Variants in LAMA3 observed in about 807,000 individuals in gnomAD.
The protein encoded by LAMA3 is laminin subunit alpha 3.
Under a neutral mutation model 402.0 loss-of-function variants are expected in LAMA3, and 281 were observed. That is an observed-to-expected ratio of 0.70 (90% confidence interval 0.63 to 0.77). LAMA3 has a LOEUF of 0.77. Among genes scored for constraint, LAMA3 ranks in the 30% least tolerant of loss-of-function variants. The pLI is 0.00. For missense variants in LAMA3, 3,840 were observed against 4,215.5 expected (o/e 0.91, Z 2.47); for synonymous variants, 1,431 against 1,558.4 (o/e 0.92, Z 1.93).
In LAMA3 at chr18:23,898,648, A is replaced by T; in HGVS notation, c.5614-90A>T. On this transcript the variant is annotated intron_variant, in intron 44 of 74. Coordinates refer to ENST00000313654, the MANE Select transcript of LAMA3 (RefSeq NM_198129.4). ...TGTGGAACTGAAAATGGTCTTGCCA[A>T]ATGATTCTTCATTTATAACCCTGTT... is the stretch of plus-strand genomic sequence containing the variant. The T allele has an allele frequency of 3.7e-6, 3 of 812,482 alleles. No homozygotes were observed. In the South Asian group the frequency reaches 4.1e-5, roughly 11 times the overall value. 50.3% of individuals were successfully genotyped at this position (812,482 alleles called of 1,614,324 possible).
chr18:23,923,257 T>A (rs1160086039), intron 62 of LAMA3, among the ~76,000 whole-genome samples: 1 of 152,108 alleles, frequency 6.6e-6, no homozygotes, highest in Non-Finnish European at 1.5e-5. Flanking sequence ...TGACCAAATT[T>A]GGGTTTTCAG....
At chr18:23,735,393 G>T (rs1004624059) in intron 2 of LAMA3, among the ~76,000 whole-genome samples, 1 of 152,238 alleles carries the variant, frequency 6.6e-6, no homozygotes, top group Non-Finnish European at 1.5e-5. Flanking sequence ...TTGTTAGAGA[G>T]TTGTAGAGCT....
Position 23,773,524 on chromosome 18 carries a change from C to G in LAMA3, c.1210C>G (p.Gln404Glu), listed in dbSNP as rs1210405876. Residue 404 changes from glutamine (Q) to glutamate (E), a missense_variant, in exon 9 of 75, where the codon CAG (glutamine) becomes GAG (glutamate). This residue lies in a region of LAMA3 where 2,109 missense variants were observed against 2,376.0 expected (regional missense o/e 0.89). Coordinates refer to ENST00000313654, the MANE Select transcript of LAMA3 (RefSeq NM_198129.4). ...CAACACAGCTGGAGTAAACTGTGAA[C>G]AGTGTGCTAAGGGCTATTACCGCCC... ...QHNTAGVNCE[Q>E]CAKGYYRPYG... is the part of the protein sequence containing the mutation. 2 of 1,599,974 alleles carry G rather than the reference C, an allele frequency of 1.3e-6. No homozygotes were observed. The highest frequency in any genetic ancestry group is 1.7e-6 in the Non-Finnish European group (2 of 1,171,322).
intron 2 of LAMA3, among the ~76,000 whole-genome samples, chr18:23,734,427 G>T (rs549205180): frequency 6.6e-6 from 1 of 152,256 alleles, no homozygotes; most frequent in Admixed American, 6.5e-5. Flanking sequence ...GTACACATGG[G>T]GCATGGGTGA....
intron 62 of LAMA3, among the ~76,000 whole-genome samples, chr18:23,925,767 C>A (rs970811658): frequency 1.2e-4 from 19 of 152,168 alleles, no homozygotes; most frequent in African/African-American, 4.3e-4. Context: ...GCCAAGGTAA[C>A]AAGAATCCCC....
intron 68 of LAMA3, among the ~76,000 whole-genome samples, chr18:23,941,426 C>T (rs577786592): frequency 1.5e-4 from 22 of 151,326 alleles, no homozygotes; most frequent in Admixed American, 1.2e-3. Flanking sequence ...CAACATTAAA[C>T]CGTACATCAT....
chr18:23,720,737 T>C (rs1273442835), intron 2 of LAMA3, among the ~76,000 whole-genome samples: 1 of 152,230 alleles, frequency 6.6e-6, no homozygotes, highest in Non-Finnish European at 1.5e-5. Context: ...TAAAATCCTC[T>C]GGGCTACTAG....
chr18:23,834,090 G>A (rs2063537590), intron 24 of LAMA3, 102 bp downstream of exon 24: 2 of 1,373,230 alleles, frequency 1.5e-6, no homozygotes, highest in Non-Finnish European at 2.1e-6. Context: ...TTTTCTTTTT[G>A]AGGCAGCTCT....
At chr18:23,928,998 C>T (rs1474817361) in intron 64 of LAMA3, among the ~76,000 whole-genome samples, 2 of 152,194 alleles carry the variant, frequency 1.3e-5, no homozygotes, top group African/African-American at 4.8e-5. Flanking sequence ...TTTGTGTGTA[C>T]TCGCGGACTC....
intron 12 of LAMA3, among the ~76,000 whole-genome samples, chr18:23,791,197 T>C (rs1286875286): frequency 6.6e-6 from 1 of 152,130 alleles, no homozygotes; most frequent in Non-Finnish European, 1.5e-5. Context: ...CTTTAATCCA[T>C]GATATTGTCT....
chr18:23,691,777 G>T (rs2060592850), intron 1 of LAMA3, among the ~76,000 whole-genome samples: 1 of 152,168 alleles, frequency 6.6e-6, no homozygotes, highest in Admixed American at 6.6e-5. Flanking sequence ...TTGCCATGTT[G>T]GCCAGACTGG....
At chr18:23,926,403 A>C (rs1218640661) in intron 62 of LAMA3, among the ~76,000 whole-genome samples, 1 of 152,226 alleles carries the variant, frequency 6.6e-6, no homozygotes, top group African/African-American at 2.4e-5. Flanking sequence ...ACCTAAAACC[A>C]TGTATAAATA....
intron 32 of LAMA3, among the ~76,000 whole-genome samples, chr18:23,853,779 C>G (rs1482353758): frequency 6.6e-6 from 1 of 152,146 alleles, no homozygotes; most frequent in Non-Finnish European, 1.5e-5. Context: ...TAGGGCTGTT[C>G]CTTGGGTACC....
chr18:23,740,321 A>AATCCTTCT, intron 2 of LAMA3, among the ~76,000 whole-genome samples: 1 of 152,214 alleles, frequency 6.6e-6, no homozygotes. Context: ...ATATGTCATC[A>AATCCTTCT]ATCCTTCTCT....
chr18:23,718,392 C>G (rs2061148657), intron 2 of LAMA3, among the ~76,000 whole-genome samples: 1 of 147,908 alleles, frequency 6.8e-6, no homozygotes, highest in Non-Finnish European at 1.5e-5. Context: ...AAGCCTGACT[C>G]ATTGTGTTCC....
intron 52 of LAMA3, among the ~76,000 whole-genome samples, chr18:23,906,802 G>C (rs1026614547): frequency 2.2e-4 from 34 of 152,322 alleles, no homozygotes; most frequent in Middle Eastern, 3.4e-3. Context: ...CTTCGAGGTA[G>C]GCTCAGTGTG....
intron 49 of LAMA3, 43 bp downstream of exon 49, chr18:23,903,168 T>G: frequency 8.3e-7 from 1 of 1,204,712 alleles, no homozygotes; most frequent in South Asian, 1.2e-5. Flanking sequence ...AAAAACATTT[T>G]AATTATATTG....
chr18:23,932,041 T>G, intron 65 of LAMA3, 119 bp from the exon 66 acceptor site: 6 of 1,205,278 alleles, frequency 5.0e-6, no homozygotes, highest in Non-Finnish European at 6.1e-6. Context: ...AAGTCTAGTT[T>G]CACTAGTTAT....
At chr18:23,832,932 G>GAT (rs1437179379) in intron 23 of LAMA3, among the ~76,000 whole-genome samples, 1 of 152,132 alleles carries the variant, frequency 6.6e-6, no homozygotes, top group Non-Finnish European at 1.5e-5. Flanking sequence ...TTATATGTCA[G>GAT]ATATACTTCT....
Sources: allele counts gnomAD v4.1 joint callset (sites outside exome capture counted in the v4.1 genomes callset), GRCh38; gene constraint gnomAD v4.1.1; regional missense constraint gnomAD v4.1.1; transcripts MANE v1.5; gene names NCBI Gene and HGNC (gene_info 2026-07-23, HGNC 2026-07-21).